INTS9: variants seen among roughly 807,000 people sequenced by gnomAD.
INTS9 encodes the protein protein related to CPSF subunits of 74 kDa.
INTS9 carries 55 observed loss-of-function variants against 79.7 expected under a neutral mutation model. The observed-to-expected ratio is 0.69, with a 90% CI of 0.56 to 0.86. INTS9 has a LOEUF of 0.86. INTS9 is among the 40% of genes least tolerant of loss of function. The pLI, the probability that INTS9 is intolerant of heterozygous loss-of-function variation, is 0.00. For missense variants in INTS9, 721 were observed against 831.5 expected (o/e 0.87, Z 1.64); for synonymous variants, 319 against 325.2 (o/e 0.98, Z 0.20).
chr8:28,782,716 G>C (rs1803354378), intron 11 of INTS9, among the ~76,000 whole-genome samples: 2 of 152,206 alleles, frequency 1.3e-5, no homozygotes, highest in Admixed American at 1.3e-4. Context: ...AGAAGTTTGA[G>C]ACCAGGCTGG....
chr8:28,867,592 C>CA (rs1808831169), intron 1 of INTS9, among the ~76,000 whole-genome samples: 1 of 144,608 alleles, frequency 6.9e-6, no homozygotes, highest in African/African-American at 2.5e-5. Flanking sequence ...CTTAATCTCA[C>CA]AAAAATCTTT....
chr8:28,816,364 CATT>C (rs1805481126), intron 6 of INTS9, among the ~76,000 whole-genome samples: 1 of 140,148 alleles, frequency 7.1e-6, no homozygotes, highest in Non-Finnish European at 1.5e-5. Context: ...CATATGTTCT[CATT>C]GTTCAATTCC....
chr8:28,770,175 C>T (rs1585316916), intron 15 of INTS9, 149 bp from the exon 16 acceptor site: 3 of 1,001,064 alleles, frequency 3.0e-6, no homozygotes, highest in East Asian at 5.3e-5. Flanking sequence ...TTCAGGTTCC[C>T]TGGCTGCCGG....
chr8:28,804,711 T>C (rs1271555938), intron 8 of INTS9, among the ~76,000 whole-genome samples: 1 of 152,178 alleles, frequency 6.6e-6, no homozygotes, highest in Admixed American at 6.6e-5. Context: ...CATGGTGAGC[T>C]AAAATCTATC....
chr8:28,790,267 T>TG (rs750825821), intron 10 of INTS9, among the ~76,000 whole-genome samples: 3 of 152,154 alleles, frequency 2.0e-5, no homozygotes, highest in East Asian at 1.9e-4. Context: ...GGTCCTGGCA[T>TG]GGGGGGCTGG....
chr8:28,832,629 G>A (rs570193146), intron 6 of INTS9, among the ~76,000 whole-genome samples: 18 of 152,302 alleles, frequency 1.2e-4, no homozygotes, highest in Admixed American at 9.2e-4. Flanking sequence ...CCTTGGGCAA[G>A]TTACTTAATC....
At chr8:28,864,819 C>T (rs566909912) in intron 1 of INTS9, among the ~76,000 whole-genome samples, 22 of 151,872 alleles carry the variant, frequency 1.4e-4, no homozygotes, top group South Asian at 6.2e-4. Context: ...GGCTGAGGCA[C>T]GTGGATCACT....
In INTS9 at chr8:28,786,960, A is replaced by G. The variant is rs373116299; in HGVS notation, c.1098+869T>C. Among the ~76,000 whole-genome samples the G allele has an allele frequency of 5.0e-3, 759 of 151,414 alleles. 8 individuals carry two copies. Among genetic ancestry groups the G allele is most frequent in the South Asian group, 0.046 (221 of 4,772 alleles). ...TCTCGATCTCCTGACCTTGTGATCC[A>G]CCCGCCTTGGCCTCCCAAAGTGCTG... On this transcript the variant is annotated intron_variant, in intron 11 of 16. Coordinates refer to ENST00000521022, the MANE Select transcript of INTS9 (RefSeq NM_018250.4).
chr8:28,870,400 A>G (rs1809023947), intron 1 of INTS9, among the ~76,000 whole-genome samples: 1 of 91,724 alleles, frequency 1.1e-5, no homozygotes. Flanking sequence ...AGAAGTTTCT[A>G]TTGGCAACAA....
chr8:28,851,473 T>C (rs1807829354), intron 2 of INTS9, among the ~76,000 whole-genome samples: 1 of 150,894 alleles, frequency 6.6e-6, no homozygotes, highest in Non-Finnish European at 1.5e-5. Flanking sequence ...AGTCTCACTC[T>C]GTCGCCCAGG....
intron 6 of INTS9, among the ~76,000 whole-genome samples, chr8:28,830,546 C>T (rs561010784): frequency 1.3e-5 from 2 of 151,700 alleles, no homozygotes; most frequent in South Asian, 4.2e-4. Context: ...ATCGCTTGAA[C>T]CCCGGGAGGT....
chr8:28,770,031 A>C lies in INTS9; in HGVS notation c.1663-5T>G. The stretch of plus-strand genomic sequence containing the variant: ...CTGGGCGGGCCGAGGAGGGGGCTAG[A>C]GCAGAAGGAAAGAGTGGCTTTCATG... On this transcript the variant is annotated splice_polypyrimidine_tract_variant and splice_region_variant and intron_variant, in intron 15 of 16. Transcript: ENST00000521022. 6.2e-7 allele frequency: 1 copy of C among 1,613,408 alleles called. No homozygotes were observed. The highest frequency in any genetic ancestry group is 8.5e-7 in the Non-Finnish European group (1 of 1,179,856).
At chr8:28,888,181 C>T (rs960249198) in intron 1 of INTS9, among the ~76,000 whole-genome samples, 1 of 152,160 alleles carries the variant, frequency 6.6e-6, no homozygotes, top group Non-Finnish European at 1.5e-5. Flanking sequence ...GGAAGCTGTC[C>T]CCTGACCTCC....
At chr8:28,777,260 A>T (rs912623210) in intron 13 of INTS9, among the ~76,000 whole-genome samples, 7 of 151,160 alleles carry the variant, frequency 4.6e-5, no homozygotes, top group Non-Finnish European at 8.8e-5. Context: ...TCCTCTCCCG[A>T]CTCTCAAGAG....
intron 1 of INTS9, among the ~76,000 whole-genome samples, chr8:28,878,157 A>G (rs1426843854): frequency 6.6e-6 from 1 of 152,180 alleles, no homozygotes; most frequent in Non-Finnish European, 1.5e-5. Context: ...CAATGTGGAT[A>G]ATATCTCATT....
Position 28,796,554 on chromosome 8 carries a change from G to T in INTS9, c.846C>A (p.Cys282Ter). 3.1e-6 allele frequency: 5 copies of T among 1,605,132 alleles called. No homozygotes were observed. The highest frequency in any genetic ancestry group is 4.3e-6 in the Non-Finnish European group (5 of 1,171,786). The change falls in exon 9 of 17, where the codon TGC becomes TGA. Residue 282 changes from cysteine to a stop codon, truncating the protein, a stop_gained. Transcript: ENST00000521022. LOFTEE classifies it high-confidence loss of function. ...GAGACGGTTGCACACCTAGGTTGCTGCAGAACTCTCCCACCATTCCATCTG... is the reference window on the plus strand; with the variant it reads ...GAGACGGTTGCACACCTAGGTTGCTTCAGAACTCTCCCACCATTCCATCTG... ...ANPDGMVGEF[C>*]SNLALTVRNG...
At chr8:28,818,827 A>C (rs1314958962) in intron 6 of INTS9, among the ~76,000 whole-genome samples, 2 of 151,720 alleles carry the variant, frequency 1.3e-5, no homozygotes, top group Non-Finnish European at 2.9e-5. Flanking sequence ...CCACAATTTC[A>C]GAGCCTGTTA....
chr8:28,778,024 G>C, intron 12 of INTS9, 71 bp from the exon 13 acceptor site: 1 of 1,472,264 alleles, frequency 6.8e-7, no homozygotes, highest in African/African-American at 1.4e-5. Context: ...ACAGCAACTG[G>C]GGCGCTGAGG....
At chr8:28,856,185 G>C (rs1332358501) in intron 2 of INTS9, among the ~76,000 whole-genome samples, 2 of 152,174 alleles carry the variant, frequency 1.3e-5, no homozygotes, top group Non-Finnish European at 2.9e-5. Context: ...GAAGTGACTG[G>C]ATTTTAGAAC....
Sources: allele counts gnomAD v4.1 joint callset (sites outside exome capture counted in the v4.1 genomes callset), GRCh38; gene constraint gnomAD v4.1.1; transcripts MANE v1.5; gene names NCBI Gene and HGNC (gene_info 2026-07-23, HGNC 2026-07-21).